DNAJB12: variants seen among roughly 807,000 people sequenced by gnomAD.
DNAJB12 encodes DnaJ heat shock protein family (Hsp40) member B12, also known as dnaJ homolog subfamily B member 12.
DNAJB12 carries 14 observed loss-of-function variants against 40.6 expected under a neutral mutation model. The observed-to-expected ratio is 0.34, with a 90% confidence interval of 0.23 to 0.54. DNAJB12 has a LOEUF of 0.54. Ranked by LOEUF, DNAJB12 falls within the 20% of genes least tolerant of loss-of-function variation. The probability of loss-of-function intolerance (pLI) is 0.92; values close to 1 mark genes in which losing one functional copy is unlikely to be tolerated. For missense variants in DNAJB12, 444 were observed against 501.7 expected (o/e 0.89, Z 1.10); for synonymous variants, 181 against 199.5 (o/e 0.91, Z 0.78).
chr10:72,340,956 C>T, intron 4 of DNAJB12, 29 bp downstream of exon 4: 1 of 1,610,954 alleles, frequency 6.2e-7, no homozygotes, highest in African/African-American at 1.3e-5. Context: ...CCCAGGGATA[C>T]CTGGCTGTGG....
At position 72,343,360 on chromosome 10, in the gene DNAJB12, G is replaced by A. The variant is rs777134627; in HGVS notation, c.457+6C>T. ...CCAAAATGCTAGGAAAGCAGGGCTG[G>A]CTTACCTTTGAAGGCTTCAGTGGCA... On this transcript the variant is annotated splice_donor_region_variant and intron_variant, in intron 3 of 8. Coordinates refer to ENST00000444643, the MANE Select transcript of DNAJB12 (RefSeq NM_017626.7). 2 of 1,612,106 alleles carry A rather than the reference G, an allele frequency of 1.2e-6. No homozygotes were observed. Among genetic ancestry groups the A allele is most frequent in the South Asian group, 2.2e-5 (2 of 90,630 alleles).
At position 72,334,013 on chromosome 10, in the gene DNAJB12, A is replaced by T. The variant is rs903467848; in HGVS notation, c.*635T>A. ...CAGCTACAGCTAATGTCTAGCAAAAACATCACCAGGGTACCTTCCCCAAAC... is the reference window on the plus strand; with the variant it reads ...CAGCTACAGCTAATGTCTAGCAAAATCATCACCAGGGTACCTTCCCCAAAC... On this transcript the variant is annotated 3_prime_UTR_variant, in exon 9 of 9. Transcript: ENST00000444643. 1 of 153,500 alleles carries T rather than the reference A, an allele frequency of 6.5e-6. No individual in the cohort carries two copies. The highest frequency in any genetic ancestry group is 1.5e-5 in the Non-Finnish European group (1 of 68,548). The allele number at this position is 153,500 out of a possible 1,614,324, so 9.5% of individuals were successfully genotyped here.
intron 2 of DNAJB12, among the ~76,000 whole-genome samples, 200 bp downstream of exon 2, chr10:72,344,750 G>T (rs1393064931): frequency 6.6e-6 from 1 of 152,218 alleles, no homozygotes; most frequent in East Asian, 1.9e-4. Flanking sequence ...TGGAGCCCCA[G>T]TTCCCACACT....
At chr10:72,349,921 C>G (rs1389886151) in intron 1 of DNAJB12, among the ~76,000 whole-genome samples, 2 of 152,090 alleles carry the variant, frequency 1.3e-5, no homozygotes, top group African/African-American at 4.8e-5. Flanking sequence ...GCTTACATCC[C>G]TCATGGCACA....
intron 6 of DNAJB12, 99 bp downstream of exon 6, chr10:72,338,103 G>T: frequency 2.0e-6 from 2 of 982,858 alleles, no homozygotes; most frequent in Non-Finnish European, 3.2e-6. Flanking sequence ...CATTATGATC[G>T]CACACTGGCT....
At chr10:72,343,776 G>A (rs1011153346) in intron 2 of DNAJB12, among the ~76,000 whole-genome samples, 1 of 152,048 alleles carries the variant, frequency 6.6e-6, no homozygotes. Flanking sequence ...TGTGGGGTTC[G>A]CCAGGCCAGT....
At chr10:72,338,406 G>A in intron 5 of DNAJB12, 95 bp from the exon 6 acceptor site, 1 of 1,017,812 alleles carries the variant, frequency 9.8e-7, no homozygotes. Context: ...TGGAGCCTGG[G>A]GAGACATGAC....
At chr10:72,354,525 C>A in intron 1 of DNAJB12, 2 of 505,980 alleles carry the variant, frequency 4.0e-6, no homozygotes, top group South Asian at 5.5e-5. Flanking sequence ...CAAACCCCAG[C>A]GGGCTCCGCC....
chr10:72,334,596 A>T lies in DNAJB12; in HGVS notation c.*52T>A. 1 of 1,533,064 alleles carries T rather than the reference A, an allele frequency of 6.5e-7. No individual in the cohort carries two copies. The highest frequency in any genetic ancestry group is 2.5e-5 in the East Asian group (1 of 40,772). 95.0% of individuals were successfully genotyped at this position (1,533,064 alleles called of 1,614,324 possible). On this transcript the variant is annotated 3_prime_UTR_variant, in exon 9 of 9. Transcript: ENST00000444643. ...CCTTGGCTCAGTGCATGTCACCAAAAATTCTCCAGGGATTTCATAGTCTGG... is the reference window on the plus strand; with the variant it reads ...CCTTGGCTCAGTGCATGTCACCAAATATTCTCCAGGGATTTCATAGTCTGG...
At chr10:72,338,429 T>G in intron 5 of DNAJB12, 118 bp from the exon 6 acceptor site, 1 of 770,370 alleles carries the variant, frequency 1.3e-6, no homozygotes, top group East Asian at 2.8e-5. Context: ...CACTCTGCCG[T>G]TCCCTCCACG....
chr10:72,352,885 T>C (rs1861968998), intron 1 of DNAJB12, among the ~76,000 whole-genome samples: 2 of 152,194 alleles, frequency 1.3e-5, no homozygotes, highest in Non-Finnish European at 2.9e-5. Context: ...ATATCTGTAT[T>C]ACTCCCCCTG....
rs1861399977 is a variant in DNAJB12 at position 72,334,194 on chromosome 10, T to C, written c.*454A>G. On this transcript the variant is annotated 3_prime_UTR_variant, in exon 9 of 9. Transcript: ENST00000444643. ...CATATACACGCATCTATAAATTACA[T>C]TCTATGGAGAGTTCTCTTTCTTCCT... The C allele has an allele frequency of 1.1e-5, 3 of 282,222 alleles. No individual in the cohort carries two copies. The highest frequency in any genetic ancestry group is 7.1e-5 in the South Asian group (2 of 28,160). 17.5% of individuals were successfully genotyped at this position (282,222 alleles called of 1,614,324 possible).
intron 1 of DNAJB12, among the ~76,000 whole-genome samples, chr10:72,348,837 C>A (rs923435304): frequency 2.6e-5 from 4 of 152,208 alleles, no homozygotes; most frequent in Non-Finnish European, 4.4e-5. Flanking sequence ...TCACAGTGAT[C>A]TGCATTAGCT....
chr10:72,343,515 G>A lies in DNAJB12; in HGVS notation c.312-4C>T, dbSNP rs748761860. The A allele has an allele frequency of 6.2e-7, 1 of 1,614,050 alleles. No homozygotes were observed. Among genetic ancestry groups the A allele is most frequent in the South Asian group, 1.1e-5 (1 of 91,074 alleles). ...GTAATCTTTACATTGCTTGACCCTG[G>A]GGAAGGAGGAGACCATGGTACGGGG... On this transcript the variant is annotated splice_region_variant and splice_polypyrimidine_tract_variant and intron_variant, in intron 2 of 8. Transcript: ENST00000444643.
At chr10:72,349,066 G>A (rs1861870842) in intron 1 of DNAJB12, among the ~76,000 whole-genome samples, 1 of 152,128 alleles carries the variant, frequency 6.6e-6, no homozygotes, top group South Asian at 2.1e-4. Context: ...TCGGGGACAG[G>A]GATGCAAGCA....
chr10:72,333,422 T>C lies in DNAJB12; in HGVS notation c.*1226A>G, dbSNP rs1861372003. 1 of 152,406 alleles carries C rather than the reference T, an allele frequency of 6.6e-6. No individual in the cohort carries two copies. The highest frequency in any genetic ancestry group is 2.4e-5 in the African/African-American group (1 of 41,454). The allele number at this position is 152,406 out of a possible 1,614,324, so 9.4% of individuals were successfully genotyped here. ...TATTCTGGTTCAGGTGTATCCTTTG[T>C]CCAAGGTACGAGAGGAGGCCTGGCG... On this transcript the variant is annotated 3_prime_UTR_variant, in exon 9 of 9. Coordinates refer to ENST00000444643, the MANE Select transcript of DNAJB12 (RefSeq NM_017626.7).
chr10:72,350,113 T>C (rs1306429725), intron 1 of DNAJB12, among the ~76,000 whole-genome samples: 6 of 151,852 alleles, frequency 4.0e-5, no homozygotes, highest in Non-Finnish European at 7.4e-5. Context: ...AGACTAGAGT[T>C]AGATTTGGCC....
intron 8 of DNAJB12, chr10:72,334,828 G>C (rs1025788082): frequency 1.9e-5 from 26 of 1,359,562 alleles, no homozygotes; most frequent in Non-Finnish European, 2.3e-5. Context: ...GATCCAGGCC[G>C]GGAGGACACA....
intron 1 of DNAJB12, 125 bp from the exon 2 acceptor site, chr10:72,345,252 C>T: frequency 9.0e-7 from 1 of 1,112,634 alleles, no homozygotes; most frequent in South Asian, 1.5e-5. Flanking sequence ...CCTGATTAGG[C>T]CTGTGGGTGC....
Sources: allele counts gnomAD v4.1 joint callset (sites outside exome capture counted in the v4.1 genomes callset), GRCh38; gene constraint gnomAD v4.1.1; transcripts MANE v1.5; gene names NCBI Gene and HGNC (gene_info 2026-07-23, HGNC 2026-07-21).